PTPRN2: variants seen among roughly 807,000 people sequenced by gnomAD.
PTPRN2 encodes the protein protein tyrosine phosphatase receptor type N2, also known as receptor-type tyrosine-protein phosphatase N2.
PTPRN2 carries 74 observed loss-of-function variants against 118.8 expected under a neutral mutation model. The observed-to-expected ratio is 0.62, with a 90% CI of 0.52 to 0.76. The LOEUF (loss-of-function observed/expected upper bound fraction) is 0.76. Among genes scored for constraint, PTPRN2 ranks in the 30% least tolerant of loss-of-function variants. The pLI, the probability that PTPRN2 is intolerant of heterozygous loss-of-function variation, is 0.00. For synonymous variants in PTPRN2, 641 were observed against 608.0 expected (o/e 1.05, Z -0.80); for missense variants, 1,481 against 1,394.4 (o/e 1.06, Z -0.99).
intron 2 of PTPRN2, among the ~76,000 whole-genome samples, chr7:158,371,180 A>C (rs2335557): frequency 0.97 from 148,119 of 152,232 alleles, 72,063 homozygotes; most frequent in East Asian, 0.99. Context: ...CGGCCAAGTG[A>C]CCCTGACAGC....
Position 158,325,370 on chromosome 7 carries a change from T to C in PTPRN2, c.164-8438A>G, listed in dbSNP as rs1029276725. 4.8e-4 allele frequency among the ~76,000 whole-genome samples: 73 copies of C among 152,360 alleles called. 2 individuals are homozygous for C. Among genetic ancestry groups the C allele is most frequent in the Admixed American group, 4.7e-3 (72 of 15,302 alleles). Reference sequence around the variant, plus strand: ...ACCTACTTTTACTTATATGTCTTTTTTTTTTTAACATTTCTTATTTATTTA... The same window carrying C: ...ACCTACTTTTACTTATATGTCTTTTCTTTTTTAACATTTCTTATTTATTTA... On this transcript the variant is annotated intron_variant, in intron 2 of 22. Transcript: ENST00000389418.
intron 2 of PTPRN2, among the ~76,000 whole-genome samples, chr7:158,379,052 G>A (rs146672507): frequency 1.4e-3 from 214 of 152,312 alleles, no homozygotes; most frequent in Middle Eastern, 0.01. Context: ...GGCAGGGTGC[G>A]GGGTGAGAAG....
At chr7:158,377,090 CCT>C (rs1810597908) in intron 2 of PTPRN2, among the ~76,000 whole-genome samples, 1 of 59,722 alleles carries the variant, frequency 1.7e-5, no homozygotes, top group Non-Finnish European at 3.3e-5. Context: ...CCCCCACAGC[CCT>C]GTCACACGTC....
intron 11 of PTPRN2, chr7:158,027,916 C>T (rs1807397974): frequency 1.3e-5 from 2 of 152,240 alleles, no homozygotes; most frequent in Admixed American, 6.5e-5. Flanking sequence ...TGGGTTCCCC[C>T]ATACCGTCAT....
At chr7:157,867,550 G>A (rs1810784115) in intron 12 of PTPRN2, among the ~76,000 whole-genome samples, 1 of 131,032 alleles carries the variant, frequency 7.6e-6, no homozygotes, top group Non-Finnish European at 1.6e-5. Context: ...CTGGATACAC[G>A]GCCACCACCC....
In PTPRN2 at chr7:157,744,210, G is replaced by A. The variant is rs540347946; in HGVS notation, c.1789-61273C>T. Among the ~76,000 whole-genome samples, 394 of 152,360 alleles carry A rather than the reference G, an allele frequency of 2.6e-3. 3 individuals carry two copies. The highest frequency in any genetic ancestry group is 9.1e-3 in the African/African-American group (380 of 41,584). On this transcript the variant is annotated intron_variant, in intron 12 of 22. Coordinates refer to ENST00000389418, the MANE Select transcript of PTPRN2 (RefSeq NM_002847.5). ...AAACAAGCGGGCGCGAGGTGGTCCA[G>A]GCATGGAGGGCACAGAAGCCGTGAT...
intron 2 of PTPRN2, among the ~76,000 whole-genome samples, chr7:158,375,114 G>C (rs114144110): frequency 0.011 from 1,736 of 151,014 alleles, 32 homozygotes; most frequent in African/African-American, 0.04. Flanking sequence ...GCTGCTTCAC[G>C]TGGCAGTGAG....
intron 12 of PTPRN2, among the ~76,000 whole-genome samples, chr7:157,806,360 A>G (rs1175985747): frequency 6.6e-6 from 1 of 152,202 alleles, no homozygotes; most frequent in Non-Finnish European, 1.5e-5. Flanking sequence ...GTATATATGT[A>G]TATCTACATA....
At chr7:158,087,770 T>C (rs1397227094) in intron 10 of PTPRN2, among the ~76,000 whole-genome samples, 5 of 90,582 alleles carry the variant, frequency 5.5e-5, no homozygotes, top group Non-Finnish European at 7.5e-5. Context: ...CACATCCTTC[T>C]TCCCCTGATG....
At chr7:157,961,747 GA>G (rs1444843133) in intron 11 of PTPRN2, among the ~76,000 whole-genome samples, 1 of 152,150 alleles carries the variant, frequency 6.6e-6, no homozygotes, top group Admixed American at 6.5e-5. Context: ...ACTCACACTC[GA>G]AGGCACTTAG....
chr7:157,669,529 C>A (rs1252228635), intron 13 of PTPRN2: 1 of 490,424 alleles, frequency 2.0e-6, no homozygotes, highest in Non-Finnish European at 4.1e-6. Flanking sequence ...CGACGACACC[C>A]AGTCAGGGGC....
In PTPRN2 at chr7:157,847,503, C is replaced by A. The variant is rs1214896580; in HGVS notation, c.1788+51170G>T. On this transcript the variant is annotated intron_variant, in intron 12 of 22. Coordinates refer to ENST00000389418, the MANE Select transcript of PTPRN2 (RefSeq NM_002847.5). ...GATGTCTACAGAGCCCTCTCTCACT[C>A]CATCATGCGTGCCCGATGTCTACAG... Among the ~76,000 whole-genome samples the A allele has an allele frequency of 5.6e-5, 8 of 143,916 alleles. No individual in the cohort carries two copies. The South Asian group carries it at 7.1e-4, about 13-fold the overall frequency. 94.4% of individuals were successfully genotyped at this position (143,916 alleles called of 152,430 possible). A position where few individuals can be genotyped will look rare whatever the true frequency, so the allele number is the denominator to read the frequency against.
chr7:158,184,942 G>T (rs533367923), intron 5 of PTPRN2, among the ~76,000 whole-genome samples: 5 of 152,306 alleles, frequency 3.3e-5, no homozygotes, highest in East Asian at 1.9e-4. Flanking sequence ...TTAGATGTAG[G>T]TTTCCGTCAT....
chr7:158,508,286 G>A (rs187054744), intron 1 of PTPRN2, among the ~76,000 whole-genome samples: 10 of 152,292 alleles, frequency 6.6e-5, no homozygotes, highest in East Asian at 3.9e-4. Flanking sequence ...TTCGATGGTC[G>A]GCAGGACTAT....
chr7:157,952,113 C>T (rs1350799867), intron 11 of PTPRN2, among the ~76,000 whole-genome samples: 1 of 152,192 alleles, frequency 6.6e-6, no homozygotes, highest in African/African-American at 2.4e-5. Context: ...CCAGGCTCAC[C>T]CAAGAAAAGA....
chr7:157,937,822 G>A lies in PTPRN2; in HGVS notation c.1724-39085C>T, dbSNP rs915729547. On this transcript the variant is annotated intron_variant, in intron 11 of 22. Coordinates refer to ENST00000389418, the MANE Select transcript of PTPRN2 (RefSeq NM_002847.5). The stretch of plus-strand genomic sequence containing the variant: ...AGTCCTGCGTATCTGCAATCTGCTC[G>A]TCACCCATCCCCTTGTGCCTAGTGA... 1.2e-4 allele frequency among the ~76,000 whole-genome samples: 18 copies of A among 152,316 alleles called. 1 individual carries two copies. Among genetic ancestry groups the A allele is most frequent in the South Asian group, 8.3e-4 (4 of 4,830 alleles).
chr7:157,801,793 G>A lies in PTPRN2; in HGVS notation c.1788+96880C>T, dbSNP rs866941662. Among the ~76,000 whole-genome samples, 1 of 152,152 alleles carries A rather than the reference G, an allele frequency of 6.6e-6. No homozygotes were observed. Among genetic ancestry groups the A allele is most frequent in the African/African-American group, 2.4e-5 (1 of 41,444 alleles). On this transcript the variant is annotated intron_variant, in intron 12 of 22. Coordinates refer to ENST00000389418, the MANE Select transcript of PTPRN2 (RefSeq NM_002847.5). The surrounding 1 kb of genome is among the most constrained non-coding windows in gnomAD (Gnocchi z 4.2). ...CGCTTAGTGGAAGAACAGAACGGCC[G>A]CACAGAAAGTGCTTGGTCCTTGGCT...
rs150922493 is a variant in PTPRN2 at position 157,992,435 on chromosome 7, C to T, written c.1723+88863G>A. On this transcript the variant is annotated intron_variant, in intron 11 of 22. Coordinates refer to ENST00000389418, the MANE Select transcript of PTPRN2 (RefSeq NM_002847.5). ...GGGAAGAGCTGGCAGGTTGGGGGAC[C>T]GGCCACACGGTCTGTACTGAGTGGG... Among the ~76,000 whole-genome samples the T allele has an allele frequency of 5.4e-3, 822 of 152,316 alleles. 4 individuals are homozygous for T. The highest frequency in any genetic ancestry group is 0.019 in the African/African-American group (781 of 41,556).
intron 9 of PTPRN2, among the ~76,000 whole-genome samples, chr7:158,130,861 ACT>A (rs932896358): frequency 8.0e-5 from 12 of 150,802 alleles, no homozygotes; most frequent in African/African-American, 2.9e-4. Context: ...CAACACACAC[ACT>A]CATATACACG....
Sources: allele counts gnomAD v4.1 joint callset (sites outside exome capture counted in the v4.1 genomes callset), GRCh38; gene constraint gnomAD v4.1.1; non-coding constraint Gnocchi (gnomAD v3.1); transcripts MANE v1.5; gene names NCBI Gene and HGNC (gene_info 2026-07-23, HGNC 2026-07-21).